The following DIAPH2 variants were observed in gnomAD, a reference collection of about 807,000 sequenced individuals.
DIAPH2 encodes the protein diaphanous related formin 2, also known as protein diaphanous homolog 2.
DIAPH2 carries 35 observed loss-of-function variants against 92.7 expected under a neutral mutation model. The observed-to-expected ratio is 0.38, with a 90% confidence interval of 0.29 to 0.50. The LOEUF (loss-of-function observed/expected upper bound fraction) is 0.50. Among genes scored for constraint, DIAPH2 ranks in the 20% least tolerant of loss-of-function variants. DIAPH2 has a pLI of 0.94. For missense variants in DIAPH2, 701 were observed against 819.5 expected, an observed-to-expected ratio of 0.86 and a Z score of 1.77; for synonymous variants, 301 against 280.4, an observed-to-expected ratio of 1.07 and a Z score of -0.73.
Position 96,991,158 on chromosome X carries a change from A to G in DIAPH2, c.2050+25951A>G, listed in dbSNP as rs771994894. Among the ~76,000 whole-genome samples the G allele has an allele frequency of 6.5e-5, 7 of 107,794 alleles. No individual in the cohort carries two copies. In the South Asian group the frequency reaches 2.9e-3, roughly 45 times the overall value. The allele number at this position is 107,794 out of a possible 115,157, so 93.6% of individuals were successfully genotyped here. On this transcript the variant is annotated intron_variant, in intron 17 of 26. Transcript: ENST00000324765. ...AGATGAAGTTTCGCTCTTGTTACCC[A>G]GGCTGGAGTGCAATGGCACGATCTC...
intron 22 of DIAPH2, among the ~76,000 whole-genome samples, chrX:97,190,435 A>T (rs1210426681): frequency 6.2e-5 from 7 of 112,663 alleles, no homozygotes; most frequent in African/African-American, 2.3e-4. Context: ...TAGAGTTTAA[A>T]CTATATATTG....
At chrX:96,984,933 T>C (rs2066021399) in intron 17 of DIAPH2, among the ~76,000 whole-genome samples, 1 of 111,753 alleles carries the variant, frequency 8.9e-6, no homozygotes, top group African/African-American at 3.2e-5. Context: ...TACGACAATG[T>C]TGTTATCTTC....
intron 26 of DIAPH2, among the ~76,000 whole-genome samples, chrX:97,516,578 A>AT (rs1192366173): frequency 8.9e-6 from 1 of 112,142 alleles, no homozygotes; most frequent in African/African-American, 3.2e-5. Context: ...CAAGATCACT[A>AT]TAGTTTGTGA....
At chrX:96,854,339 C>T (rs2065023376) in intron 4 of DIAPH2, among the ~76,000 whole-genome samples, 1 of 108,641 alleles carries the variant, frequency 9.2e-6, no homozygotes, top group South Asian at 4.0e-4. Context: ...ATTTTCCTTT[C>T]CTAGCCTAGC....
At chrX:97,589,110 G>A (rs1463952028) in intron 26 of DIAPH2, among the ~76,000 whole-genome samples, 4 of 94,712 alleles carry the variant, frequency 4.2e-5, no homozygotes, top group Non-Finnish European at 8.4e-5. Flanking sequence ...CTGAGGTCAA[G>A]AGTTCAAGAC....
At chrX:96,692,994 T>C (rs1027631576) in intron 1 of DIAPH2, among the ~76,000 whole-genome samples, 2 of 111,923 alleles carry the variant, frequency 1.8e-5, no homozygotes, top group African/African-American at 6.5e-5. Flanking sequence ...ATTGAGATGT[T>C]TGTGGGCTTA....
chrX:97,560,925 T>C (rs774154072), intron 26 of DIAPH2, among the ~76,000 whole-genome samples: 13 of 112,687 alleles, frequency 1.2e-4, no homozygotes, highest in Non-Finnish European at 1.7e-4. Flanking sequence ...TTTCATATGC[T>C]AACCATGACA....
At chrX:96,966,963 T>G (rs914750506) in intron 17 of DIAPH2, among the ~76,000 whole-genome samples, 20 of 112,270 alleles carry the variant, frequency 1.8e-4, no homozygotes, top group African/African-American at 6.4e-4. Context: ...ATTTTTGCTT[T>G]TTGAATATGG....
chrX:97,587,841 C>T (rs1303291625), intron 26 of DIAPH2, among the ~76,000 whole-genome samples: 4 of 111,844 alleles, frequency 3.6e-5, no homozygotes, highest in Non-Finnish European at 7.5e-5. Context: ...TGTTTCATTA[C>T]TAAAGTCTTT....
chrX:97,146,005 TCC>T, intron 22 of DIAPH2, among the ~76,000 whole-genome samples: 1 of 79,919 alleles, frequency 1.3e-5, no homozygotes, highest in African/African-American at 4.4e-5. Context: ...TTTTTCTTCT[TCC>T]TTTTTTTTTT....
intron 22 of DIAPH2, among the ~76,000 whole-genome samples, chrX:97,152,774 C>T (rs897847451): frequency 2.7e-5 from 3 of 112,652 alleles, no homozygotes; most frequent in African/African-American, 9.7e-5. Context: ...TATTTCTCAA[C>T]ACCTCCATGG....
chrX:97,122,878 A>T (rs1330428618), intron 21 of DIAPH2, among the ~76,000 whole-genome samples: 1 of 111,460 alleles, frequency 9.0e-6, no homozygotes, highest in Admixed American at 9.5e-5. Context: ...ACTGGTTGCT[A>T]ATCAGTGATG....
At chrX:96,797,905 A>T (rs2064552925) in intron 4 of DIAPH2, among the ~76,000 whole-genome samples, 1 of 112,420 alleles carries the variant, frequency 8.9e-6, no homozygotes, top group Admixed American at 9.4e-5. Flanking sequence ...GGTGTTTTTA[A>T]TTTTTACAAA....
chrX:97,152,203 C>G (rs2067290527), intron 22 of DIAPH2, among the ~76,000 whole-genome samples: 1 of 111,720 alleles, frequency 9.0e-6, no homozygotes, highest in African/African-American at 3.3e-5. Context: ...CTGAGCAACA[C>G]CCCACATTTT....
intron 26 of DIAPH2, among the ~76,000 whole-genome samples, chrX:97,453,665 C>T (rs768908967): frequency 9.0e-6 from 1 of 111,348 alleles, no homozygotes; most frequent in South Asian, 3.8e-4. Context: ...TGTTGTTTGA[C>T]CTATGAAAAT....
intron 5 of DIAPH2, among the ~76,000 whole-genome samples, chrX:96,889,117 C>T (rs994076012): frequency 9.0e-6 from 1 of 111,547 alleles, no homozygotes; most frequent in Non-Finnish European, 1.9e-5. Context: ...CATCTATCAG[C>T]TTAAGAGACA....
chrX:96,932,716 G>GTAA (rs1265945542), intron 10 of DIAPH2, among the ~76,000 whole-genome samples: 1 of 111,169 alleles, frequency 9.0e-6, no homozygotes, highest in East Asian at 2.8e-4. Context: ...AACATGGTGT[G>GTAA]TAATGATCAA....
Position 97,106,931 on chromosome X carries a change from C to CA in DIAPH2, c.2349+7145dup, listed in dbSNP as rs1002640134. Among the ~76,000 whole-genome samples the CA allele has an allele frequency of 2.2e-3, 239 of 109,545 alleles. 1 individual carries two copies. Among genetic ancestry groups the CA allele is most frequent in the Non-Finnish European group, 3.7e-3 (192 of 52,344 alleles). The stretch of plus-strand genomic sequence containing the variant: ...TGGATGACAGAGCAAGACTCCATCT[C>CA]AAAAAAAAAGAAATGTTGATGGCTG... On this transcript the variant is annotated intron_variant, in intron 20 of 26. Coordinates refer to ENST00000324765, the MANE Select transcript of DIAPH2 (RefSeq NM_006729.5).
intron 1 of DIAPH2, among the ~76,000 whole-genome samples, chrX:96,691,831 A>G (rs2063799209): frequency 1.8e-5 from 2 of 112,044 alleles, no homozygotes; most frequent in South Asian, 7.4e-4. Flanking sequence ...AGGCCTAGGT[A>G]GGAATCCAAC....
Sources: allele counts gnomAD v4.1 joint callset (sites outside exome capture counted in the v4.1 genomes callset), GRCh38; gene constraint gnomAD v4.1.1; transcripts MANE v1.5; gene names NCBI Gene and HGNC (gene_info 2026-07-23, HGNC 2026-07-21).